The following CSMD1 variants were observed in gnomAD, a reference collection of about 807,000 sequenced individuals.
CSMD1 encodes CUB and sushi domain-containing protein 1.
In CSMD1, 213 loss-of-function variants were observed where a neutral mutation model predicts 417.5. That is an observed-to-expected ratio of 0.51 (90% CI 0.46 to 0.57). The LOEUF (loss-of-function observed/expected upper bound fraction) is 0.57. CSMD1 is among the 20% of genes least tolerant of loss of function. CSMD1 has a pLI of 0.00. For missense variants in CSMD1, 6,923 were observed against 4,529.7 expected (o/e 1.53, Z -15.17); for synonymous variants, 2,862 against 1,736.8 (o/e 1.65, Z -16.11).
intron 5 of CSMD1, among the ~76,000 whole-genome samples, chr8:3,938,226 C>G (rs1810637025): frequency 6.6e-6 from 1 of 151,992 alleles, no homozygotes; most frequent in African/African-American, 2.4e-5. Context: ...ACTGATGAAG[C>G]CATGTGTAAA....
intron 18 of CSMD1, among the ~76,000 whole-genome samples, chr8:3,374,265 C>T (rs1012211732): frequency 6.6e-6 from 1 of 152,046 alleles, no homozygotes; most frequent in African/African-American, 2.4e-5. Flanking sequence ...GACCCATCCA[C>T]CCGTTTTTCA....
At chr8:3,113,875 T>G (rs1320478763) in intron 42 of CSMD1, among the ~76,000 whole-genome samples, 2 of 152,162 alleles carry the variant, frequency 1.3e-5, no homozygotes, top group Non-Finnish European at 2.9e-5. Context: ...CAATGTGACT[T>G]TCTGTGAAGA....
At chr8:3,650,150 G>C (rs1180765067) in intron 7 of CSMD1, among the ~76,000 whole-genome samples, 2 of 151,992 alleles carry the variant, frequency 1.3e-5, no homozygotes, top group African/African-American at 4.8e-5. Context: ...ATGGTGGTGG[G>C]TGTCTGTAAT....
At chr8:4,452,679 T>C (rs148631858) in intron 2 of CSMD1, among the ~76,000 whole-genome samples, 4 of 152,192 alleles carry the variant, frequency 2.6e-5, no homozygotes, top group African/African-American at 4.8e-5. Flanking sequence ...TCTCCAGAAA[T>C]AAAGTCTAAA....
At chr8:3,930,767 C>T (rs1810085206) in intron 5 of CSMD1, among the ~76,000 whole-genome samples, 1 of 150,320 alleles carries the variant, frequency 6.7e-6, no homozygotes, top group South Asian at 2.2e-4. Flanking sequence ...TTTACGGCAC[C>T]AGGGAACAAG....
chr8:3,677,761 T>A (rs954379251), intron 7 of CSMD1, among the ~76,000 whole-genome samples: 1 of 152,184 alleles, frequency 6.6e-6, no homozygotes, highest in African/African-American at 2.4e-5. Flanking sequence ...AAAACGGAAA[T>A]GAAAACTTCT....
Position 4,276,734 on chromosome 8 carries a change from T to C in CSMD1, c.415+143219A>G, listed in dbSNP as rs1011574783. Among the ~76,000 whole-genome samples the C allele has an allele frequency of 3.9e-5, 6 of 152,278 alleles. No homozygotes were observed. In the East Asian group the frequency reaches 1.2e-3, roughly 29 times the overall value. ...CCCAATTTTAATAAATAAAAGGAAA[T>C]GTATATGTGTTTTGATGTTTCTGTG... On this transcript the variant is annotated intron_variant, in intron 3 of 69. Coordinates refer to ENST00000635120, the MANE Select transcript of CSMD1 (RefSeq NM_033225.6).
intron 3 of CSMD1, among the ~76,000 whole-genome samples, chr8:4,238,822 C>A (rs976067756): frequency 6.6e-6 from 1 of 152,172 alleles, no homozygotes; most frequent in Non-Finnish European, 1.5e-5. Flanking sequence ...TTGGCCCACA[C>A]TCAAAGTCAT....
chr8:4,756,519 A>G (rs1214966084), intron 1 of CSMD1, among the ~76,000 whole-genome samples: 1 of 152,216 alleles, frequency 6.6e-6, no homozygotes, highest in African/African-American at 2.4e-5. Context: ...CCCATGCTTA[A>G]TATTATTCTG....
intron 36 of CSMD1, among the ~76,000 whole-genome samples, chr8:3,181,833 A>C (rs1225181236): frequency 6.6e-6 from 1 of 152,202 alleles, no homozygotes; most frequent in African/African-American, 2.4e-5. Flanking sequence ...TGGAAAGGGC[A>C]ATACAGATAC....
At chr8:3,002,231 C>T (rs1807467591) in intron 52 of CSMD1, among the ~76,000 whole-genome samples, 1 of 152,314 alleles carries the variant, frequency 6.6e-6, no homozygotes, top group South Asian at 2.1e-4. Flanking sequence ...AAGAGAGACC[C>T]CCTGAAGGCA....
At chr8:3,039,863 A>C (rs73505060) in intron 50 of CSMD1, among the ~76,000 whole-genome samples, 1,877 of 152,318 alleles carry the variant, frequency 0.012, 35 homozygotes, top group African/African-American at 0.043. Flanking sequence ...ATCAGCATTC[A>C]TATTAGATTT....
At chr8:3,950,602 T>G (rs1811536144) in intron 5 of CSMD1, among the ~76,000 whole-genome samples, 1 of 152,178 alleles carries the variant, frequency 6.6e-6, no homozygotes, top group Non-Finnish European at 1.5e-5. Flanking sequence ...GAAACCACCA[T>G]TAAGTCGTGG....
At chr8:3,496,835 A>G (rs1796384580) in intron 10 of CSMD1, among the ~76,000 whole-genome samples, 1 of 152,218 alleles carries the variant, frequency 6.6e-6, no homozygotes, top group Admixed American at 6.5e-5. Context: ...GTCTCAAAAA[A>G]AAAATTATGT....
At chr8:4,940,482 T>G (rs1807921903) in intron 1 of CSMD1, among the ~76,000 whole-genome samples, 1 of 152,346 alleles carries the variant, frequency 6.6e-6, no homozygotes, top group Non-Finnish European at 1.5e-5. Context: ...ATGGTCTGTG[T>G]CCCCACTTTG....
At chr8:2,955,029 C>CTG (rs1247888675) in intron 64 of CSMD1, among the ~76,000 whole-genome samples, 1 of 152,186 alleles carries the variant, frequency 6.6e-6, no homozygotes, top group Admixed American at 6.5e-5. Flanking sequence ...CTGACCCAGG[C>CTG]TGATGACTCT....
At chr8:4,701,922 G>A (rs760937188) in intron 1 of CSMD1, among the ~76,000 whole-genome samples, 2 of 152,166 alleles carry the variant, frequency 1.3e-5, no homozygotes, top group African/African-American at 4.8e-5. Context: ...GGAATACTAT[G>A]CAGCCATAAA....
intron 3 of CSMD1, among the ~76,000 whole-genome samples, chr8:4,353,434 C>A (rs569688474): frequency 1.3e-5 from 2 of 152,060 alleles, no homozygotes; most frequent in East Asian, 1.9e-4. Context: ...ATTACCTATT[C>A]TCGAGTATGT....
chr8:4,566,994 G>A (rs1171609814), intron 2 of CSMD1, among the ~76,000 whole-genome samples: 1 of 152,122 alleles, frequency 6.6e-6, no homozygotes, highest in Non-Finnish European at 1.5e-5. Context: ...TTTCTCCAAT[G>A]AAATCCTGTA....
Sources: allele counts gnomAD v4.1 joint callset (sites outside exome capture counted in the v4.1 genomes callset), GRCh38; gene constraint gnomAD v4.1.1; transcripts MANE v1.5; gene names NCBI Gene and HGNC (gene_info 2026-07-23, HGNC 2026-07-21).